RFTN2: variants seen among roughly 807,000 people sequenced by gnomAD.
RFTN2 encodes the protein raftlin family member 2.
Under a neutral mutation model 52.7 loss-of-function variants are expected in RFTN2, and 34 were observed. The ratio of observed to expected loss-of-function variants is 0.64; its 90% CI spans 0.49 to 0.86. The LOEUF (loss-of-function observed/expected upper bound fraction) is 0.86. Ranked by LOEUF, RFTN2 falls within the 40% of genes least tolerant of loss-of-function variation. The pLI is 0.00. For synonymous variants in RFTN2, 203 were observed against 217.7 expected (o/e 0.93, Z 0.59); for missense variants, 536 against 600.1 (o/e 0.89, Z 1.12).
intron 5 of RFTN2, among the ~76,000 whole-genome samples, chr2:197,626,585 A>ATAAC (rs769174545): frequency 2.0e-5 from 3 of 149,354 alleles, no homozygotes; most frequent in Non-Finnish European, 4.5e-5. Flanking sequence ...AAATAAATAA[A>ATAAC]TAAAGTTAAA....
chr2:197,608,559 C>A (rs1227300004), intron 7 of RFTN2, among the ~76,000 whole-genome samples: 1 of 151,068 alleles, frequency 6.6e-6, no homozygotes, highest in African/African-American at 2.4e-5. Context: ...AGTGATCTGC[C>A]TTCTTTGGCC....
At chr2:197,670,045 A>G (rs961048606) in intron 1 of RFTN2, among the ~76,000 whole-genome samples, 6 of 152,134 alleles carry the variant, frequency 3.9e-5, no homozygotes, top group Admixed American at 1.3e-4. Context: ...ACTCAATATT[A>G]TGCTTGTGGA....
intron 1 of RFTN2, among the ~76,000 whole-genome samples, chr2:197,667,087 T>C (rs1462597432): frequency 6.6e-6 from 1 of 152,122 alleles, no homozygotes; most frequent in Non-Finnish European, 1.5e-5. Context: ...TTCAAGTGAC[T>C]CTCCTTTCTC....
rs1240078451 is a variant in RFTN2, at chr2:197,615,941, G to A, written c.1089C>T (p.His363=). 3 of 1,559,074 alleles carry A rather than the reference G, an allele frequency of 1.9e-6. No individual in the cohort carries two copies. The highest frequency in any genetic ancestry group is 2.7e-5 in the African/African-American group (2 of 73,522). ...GAAGCCATCCGAATTCAGCCAGAGT[G>A]TGCAGCAGAGGGCCATAATCTGTTT... The part of the protein sequence containing the change: ...EIKTDYGPLL[H]TLAEFGWLLT... The change falls in exon 7 of 9, where the codon CAC becomes CAT. Residue 363 remains histidine, a synonymous_variant. Coordinates refer to ENST00000295049, the MANE Select transcript of RFTN2 (RefSeq NM_144629.3).
Position 197,590,450 on chromosome 2 carries a change from G to A in RFTN2, c.1233+5541C>T, listed in dbSNP as rs562785032. 1.4e-4 allele frequency among the ~76,000 whole-genome samples: 21 copies of A among 152,166 alleles called. No individual in the cohort carries two copies. In the South Asian group the frequency reaches 1.7e-3, roughly 12 times the overall value. On this transcript the variant is annotated intron_variant, in intron 8 of 8. Coordinates refer to ENST00000295049, the MANE Select transcript of RFTN2 (RefSeq NM_144629.3). ...AAAAGTAAAGGTCTCCATAACTTCC[G>A]AAGAAAAAAATCCAATGATACGCTT...
chr2:197,620,040 G>A (rs780122837), intron 5 of RFTN2, among the ~76,000 whole-genome samples: 3 of 151,734 alleles, frequency 2.0e-5, no homozygotes, highest in African/African-American at 2.4e-5. Context: ...GGATCTATAC[G>A]TTGTATGCAT....
intron 8 of RFTN2, among the ~76,000 whole-genome samples, chr2:197,583,516 A>G (rs926727264): frequency 6.6e-6 from 1 of 151,804 alleles, no homozygotes; most frequent in African/African-American, 2.4e-5. Context: ...GAACCTTCAT[A>G]CCCTTTACCA....
rs772986528 is a variant in RFTN2 at position 197,646,578 on chromosome 2, G to A, written c.228C>T (p.Val76=). 1.7e-5 allele frequency: 28 copies of A among 1,612,384 alleles called. No individual in the cohort carries two copies. Among genetic ancestry groups the A allele is most frequent in the Middle Eastern group, 3.3e-4 (2 of 6,082 alleles). ...VENYYLKGYI[V]GAIHPVIQPV... ...GTTGTATAACAGGATGAATAGCCCCGACAATATATCCTTTAAGATAATAGT... is the reference window on the plus strand; with the variant it reads ...GTTGTATAACAGGATGAATAGCCCCAACAATATATCCTTTAAGATAATAGT... Residue 76 remains valine, a synonymous_variant, in exon 2 of 9, where the codon GTC becomes GTT. Transcript: ENST00000295049.
intron 4 of RFTN2, among the ~76,000 whole-genome samples, chr2:197,632,784 T>C (rs2088488040): frequency 1.3e-5 from 2 of 152,140 alleles, no homozygotes; most frequent in African/African-American, 2.4e-5. Flanking sequence ...ATCTCTGCCA[T>C]GTATAGGATG....
chr2:197,598,653 C>T (rs1355796493), intron 7 of RFTN2, among the ~76,000 whole-genome samples: 5 of 152,168 alleles, frequency 3.3e-5, no homozygotes, highest in Non-Finnish European at 7.3e-5. Flanking sequence ...GCATTCCAAA[C>T]ATTGAGGTGC....
chr2:197,632,790 G>C (rs1290282561), intron 4 of RFTN2, among the ~76,000 whole-genome samples: 2 of 152,130 alleles, frequency 1.3e-5, no homozygotes, highest in East Asian at 3.9e-4. Flanking sequence ...GCCATGTATA[G>C]GATGCTAAGC....
chr2:197,673,231 C>A (rs1472938144), intron 1 of RFTN2, among the ~76,000 whole-genome samples: 1 of 152,170 alleles, frequency 6.6e-6, no homozygotes, highest in Admixed American at 6.5e-5. Context: ...CTCCTCCCAG[C>A]AACCCAGGAC....
chr2:197,582,974 C>A (rs577204623), intron 8 of RFTN2, among the ~76,000 whole-genome samples: 64 of 152,340 alleles, frequency 4.2e-4, no homozygotes, highest in Non-Finnish European at 6.9e-4. Flanking sequence ...TTTCAGCTAT[C>A]AATCTCTTCC....
intron 8 of RFTN2, among the ~76,000 whole-genome samples, chr2:197,581,028 C>T (rs1187933126): frequency 6.6e-6 from 1 of 152,086 alleles, no homozygotes; most frequent in Non-Finnish European, 1.5e-5. Context: ...ATCTCTACTC[C>T]CTCCCTGGCA....
At chr2:197,577,759 C>T (rs2087442389) in intron 8 of RFTN2, among the ~76,000 whole-genome samples, 1 of 152,178 alleles carries the variant, frequency 6.6e-6, no homozygotes, top group Non-Finnish European at 1.5e-5. Context: ...CTGCACTGAC[C>T]ACCTCCCGAC....
In RFTN2 at chr2:197,642,096, T is replaced by G. The variant is rs567312778; in HGVS notation, c.438+2062A>C. 9.8e-5 allele frequency among the ~76,000 whole-genome samples: 15 copies of G among 152,346 alleles called. 1 individual carries two copies. The highest frequency in any genetic ancestry group is 9.8e-4 in the Admixed American group (15 of 15,300). The stretch of plus-strand genomic sequence containing the variant: ...AATATGCGTAGTTTGTTTATAAAAT[T>G]TAGTCTCAAAGACTAAAAACCCTTA... On this transcript the variant is annotated intron_variant, in intron 3 of 8. Transcript: ENST00000295049.
rs573259265 is a variant in RFTN2 at position 197,609,112 on chromosome 2, A to C, written c.1154+6764T>G. On this transcript the variant is annotated intron_variant, in intron 7 of 8. Transcript: ENST00000295049. ...TAAACATATGTGTGCGTGTGTCTTTATAGTAGTATGATTTAGAATCCTTTG... is the reference window on the plus strand; with the variant it reads ...TAAACATATGTGTGCGTGTGTCTTTCTAGTAGTATGATTTAGAATCCTTTG... Among the ~76,000 whole-genome samples, 13 of 152,264 alleles carry C rather than the reference A, an allele frequency of 8.5e-5. No individual in the cohort carries two copies. The South Asian group carries it at 2.7e-3, about 32-fold the overall frequency.
chr2:197,583,525 C>G (rs1035082335), intron 8 of RFTN2, among the ~76,000 whole-genome samples: 3 of 152,092 alleles, frequency 2.0e-5, no homozygotes, highest in African/African-American at 7.2e-5. Context: ...TACCCTTTAC[C>G]ATCCTCAGTC....
chr2:197,593,574 G>A lies in RFTN2; in HGVS notation c.1233+2417C>T, dbSNP rs535545318. ...CTGATGATTTTTTCCTAAAAATAAT[G>A]GCCATTTGTAGAATGTTAAAAAGAA... On this transcript the variant is annotated intron_variant, in intron 8 of 8. Transcript: ENST00000295049. Among the ~76,000 whole-genome samples the A allele has an allele frequency of 3.3e-5, 5 of 152,110 alleles. No individual in the cohort carries two copies. In the East Asian group the frequency reaches 7.7e-4, roughly 23 times the overall value.
Sources: allele counts gnomAD v4.1 joint callset (sites outside exome capture counted in the v4.1 genomes callset), GRCh38; gene constraint gnomAD v4.1.1; transcripts MANE v1.5; gene names NCBI Gene and HGNC (gene_info 2026-07-23, HGNC 2026-07-21).